Variants in MCPH1 observed in about 807,000 individuals in gnomAD.
MCPH1 encodes the protein microcephalin 1.
Under a neutral mutation model 84.5 loss-of-function variants are expected in MCPH1, and 104 were observed. The ratio of observed to expected loss-of-function variants is 1.23; its 90% CI spans 1.05 to 1.45. The LOEUF (loss-of-function observed/expected upper bound fraction) is 1.45. Among genes scored for constraint, MCPH1 ranks in the 40% most tolerant of loss-of-function variants. The pLI is 0.00. For synonymous variants in MCPH1, 514 were observed against 366.8 expected (o/e 1.40, Z -4.58); for missense variants, 1,498 against 1,005.7 (o/e 1.49, Z -6.62).
At chr8:6,443,819 G>C (rs760625818) in intron 7 of MCPH1, among the ~76,000 whole-genome samples, 1 of 152,194 alleles carries the variant, frequency 6.6e-6, no homozygotes, top group Non-Finnish European at 1.5e-5. Flanking sequence ...GGGTACAGAG[G>C]AGTATAGAAT....
intron 12 of MCPH1, among the ~76,000 whole-genome samples, chr8:6,557,389 A>G (rs1449162930): frequency 1.3e-5 from 2 of 152,168 alleles, no homozygotes; most frequent in African/African-American, 4.8e-5. Flanking sequence ...AAGTGCTTTA[A>G]GGTGACTCAG....
chr8:6,450,744 T>G (rs764698695), intron 8 of MCPH1, among the ~76,000 whole-genome samples: 4 of 151,948 alleles, frequency 2.6e-5, no homozygotes, highest in South Asian at 2.1e-4. Flanking sequence ...GTTGGGGTTT[T>G]TTGTTGTTGT....
chr8:6,497,413 G>C (rs1205587428), intron 11 of MCPH1, among the ~76,000 whole-genome samples: 2 of 152,164 alleles, frequency 1.3e-5, no homozygotes, highest in African/African-American at 2.4e-5. Context: ...TGAGTCAGGA[G>C]AATCACTTGA....
intron 12 of MCPH1, among the ~76,000 whole-genome samples, chr8:6,539,330 T>A (rs1821093324): frequency 6.6e-6 from 1 of 152,222 alleles, no homozygotes. Flanking sequence ...TGCCATCTGT[T>A]GACTGTTTTT....
intron 10 of MCPH1, among the ~76,000 whole-genome samples, chr8:6,479,499 A>G (rs1041311297): frequency 6.6e-6 from 1 of 150,658 alleles, no homozygotes; most frequent in Non-Finnish European, 1.5e-5. Flanking sequence ...CAGTGGCGCA[A>G]TCTCCTCCCA....
At chr8:6,439,589 G>A (rs955797276) in intron 6 of MCPH1, among the ~76,000 whole-genome samples, 25 of 151,132 alleles carry the variant, frequency 1.7e-4, no homozygotes, top group African/African-American at 6.1e-4. Flanking sequence ...TAGAGACGGG[G>A]TTTCACCATG....
intron 1 of MCPH1, among the ~76,000 whole-genome samples, chr8:6,408,282 G>A (rs1335851331): frequency 2.6e-5 from 4 of 152,014 alleles, no homozygotes; most frequent in Admixed American, 6.5e-5. Flanking sequence ...AGGCTGGAGC[G>A]CAGTGATGTG....
At chr8:6,464,009 C>T (rs1290169602) in intron 9 of MCPH1, among the ~76,000 whole-genome samples, 5 of 152,172 alleles carry the variant, frequency 3.3e-5, no homozygotes, top group Middle Eastern at 3.2e-3. Flanking sequence ...AAATGCAGCA[C>T]GGGTATGTTG....
chr8:6,630,476 T>A (rs941889608), intron 13 of MCPH1, among the ~76,000 whole-genome samples: 31 of 152,154 alleles, frequency 2.0e-4, no homozygotes, highest in Middle Eastern at 3.4e-3. Flanking sequence ...GTTAAAAAAA[T>A]TAAATAGGTA....
intron 12 of MCPH1, among the ~76,000 whole-genome samples, chr8:6,556,294 T>A (rs3020231): frequency 2.0e-5 from 3 of 152,092 alleles, no homozygotes; most frequent in African/African-American, 7.3e-5. Flanking sequence ...TAATTATACC[T>A]GATATTTACT....
At chr8:6,532,400 C>G (rs200695891) in intron 12 of MCPH1, 2 of 1,614,144 alleles carry the variant, frequency 1.2e-6, no homozygotes, top group South Asian at 1.1e-5. Flanking sequence ...GTCCCTATTT[C>G]TATCATCACA....
At chr8:6,566,831 AGTG>A (rs1826204281) in intron 12 of MCPH1, among the ~76,000 whole-genome samples, 1 of 128,280 alleles carries the variant, frequency 7.8e-6, no homozygotes, top group African/African-American at 2.9e-5. Context: ...ATGGATAGTG[AGTG>A]CACACGGTGC....
At chr8:6,443,513 A>G (rs1287222239) in intron 7 of MCPH1, among the ~76,000 whole-genome samples, 1 of 152,150 alleles carries the variant, frequency 6.6e-6, no homozygotes, top group Non-Finnish European at 1.5e-5. Flanking sequence ...AGATTGAGTG[A>G]TTTCTACAAA....
intron 12 of MCPH1, among the ~76,000 whole-genome samples, chr8:6,589,606 G>C (rs1386331683): frequency 6.6e-6 from 1 of 152,206 alleles, no homozygotes; most frequent in Non-Finnish European, 1.5e-5. Context: ...ACTGCCTACT[G>C]TGTGCCAGGC....
At chr8:6,566,007 T>C (rs56954299) in intron 12 of MCPH1, among the ~76,000 whole-genome samples, 19,456 of 152,170 alleles carry the variant, frequency 0.13, 1,391 homozygotes, top group African/African-American at 0.2. Context: ...CAGATGGTAA[T>C]TATTTTCGGC....
At position 6,442,150 on chromosome 8, in the gene MCPH1, T is replaced by C. The variant is rs41313952; in HGVS notation, c.664T>C (p.Cys222Arg). 4.3e-4 allele frequency: 684 copies of C among 1,602,172 alleles called. No individual in the cohort carries two copies. Among genetic ancestry groups the C allele is most frequent in the Non-Finnish European group, 4.3e-4 (503 of 1,169,246 alleles). Residue 222 changes from cysteine to arginine, a missense_variant, in exon 7 of 14, where the codon TGT becomes CGT. Transcript: ENST00000344683. ...APLNISRDTL[C>R]SDEYFAGGLH... ...TTTGAACATTTCACGTGATACTTTG[T>C]GTTCAGGTAAAATTTTTATTTTCCT...
chr8:6,454,400 T>A (rs1374521399), intron 8 of MCPH1, among the ~76,000 whole-genome samples: 1 of 152,166 alleles, frequency 6.6e-6, no homozygotes, highest in Non-Finnish European at 1.5e-5. Flanking sequence ...ATTGAGACCA[T>A]GTTATGGTCC....
intron 11 of MCPH1, among the ~76,000 whole-genome samples, chr8:6,490,471 A>T (rs556932206): frequency 3.3e-5 from 5 of 152,334 alleles, no homozygotes; most frequent in Non-Finnish European, 7.3e-5. Flanking sequence ...AAGGAACATC[A>T]TACTTCTCTT....
Position 6,514,455 on chromosome 8 carries a change from C to G in MCPH1, c.2214+14526C>G, listed in dbSNP as rs146294951. On this transcript the variant is annotated intron_variant, in intron 12 of 13. Transcript: ENST00000344683. ...CCATCTGCCTCGGCCTCCCAAAGTG[C>G]TGGGATTACAGGCGTGAGCCAGCAC... Among the ~76,000 whole-genome samples, 541 of 152,268 alleles carry G rather than the reference C, an allele frequency of 3.6e-3. 3 individuals carry two copies. Among genetic ancestry groups the G allele is most frequent in the African/African-American group, 0.011 (459 of 41,540 alleles).
Sources: allele counts gnomAD v4.1 joint callset (sites outside exome capture counted in the v4.1 genomes callset), GRCh38; gene constraint gnomAD v4.1.1; transcripts MANE v1.5; gene names NCBI Gene and HGNC (gene_info 2026-07-23, HGNC 2026-07-21).